Variants in NTNG1 observed in about 807,000 individuals in gnomAD.
NTNG1 encodes the protein netrin-G1.
In NTNG1, 16 loss-of-function variants were observed where a neutral mutation model predicts 54.0. The observed-to-expected ratio is 0.30, with a 90% CI of 0.20 to 0.45. The LOEUF is 0.45. NTNG1 is among the 20% of genes least tolerant of loss of function. The pLI is 1.00. For missense variants in NTNG1, 530 were observed against 678.7 expected, an observed-to-expected ratio of 0.78 and a Z score of 2.43; for synonymous variants, 255 against 263.1, an observed-to-expected ratio of 0.97 and a Z score of 0.30.
chr1:107,382,730 G>A (rs1326936016), intron 3 of NTNG1, among the ~76,000 whole-genome samples: 3 of 151,996 alleles, frequency 2.0e-5, no homozygotes, highest in African/African-American at 7.3e-5. Context: ...GATTCCTTTG[G>A]TGGGCTTGGG....
chr1:107,236,253 T>C (rs1454972139), intron 2 of NTNG1, among the ~76,000 whole-genome samples: 1 of 152,150 alleles, frequency 6.6e-6, no homozygotes, highest in Non-Finnish European at 1.5e-5. Flanking sequence ...GGGAGTGAAA[T>C]ACTTAAAGTG....
chr1:107,289,075 G>A (rs1168693088), intron 2 of NTNG1, among the ~76,000 whole-genome samples: 1 of 151,954 alleles, frequency 6.6e-6, no homozygotes, highest in Non-Finnish European at 1.5e-5. Flanking sequence ...CTTTATTCTT[G>A]TCAGTCTACT....
intron 7 of NTNG1, among the ~76,000 whole-genome samples, chr1:107,474,975 A>G (rs541292803): frequency 6.6e-6 from 1 of 152,184 alleles, no homozygotes; most frequent in African/African-American, 2.4e-5. Flanking sequence ...AAATGCAGAC[A>G]TATTTGCCAT....
intron 2 of NTNG1, among the ~76,000 whole-genome samples, chr1:107,238,964 C>T (rs985390481): frequency 6.6e-5 from 10 of 151,900 alleles, no homozygotes; most frequent in South Asian, 2.1e-4. Context: ...CAGAAAGAGG[C>T]GAAGACAAAC....
chr1:107,347,688 G>A (rs541892622), intron 3 of NTNG1, among the ~76,000 whole-genome samples: 2 of 152,192 alleles, frequency 1.3e-5, no homozygotes, highest in African/African-American at 2.4e-5. Context: ...CCGAGACTGG[G>A]TAATTTATAA....
chr1:107,246,950 C>T (rs2101602368), intron 2 of NTNG1, among the ~76,000 whole-genome samples: 1 of 138,178 alleles, frequency 7.2e-6, no homozygotes, highest in East Asian at 2.0e-4. Flanking sequence ...CCTATAAAGA[C>T]ATGTCACATT....
chr1:107,439,428 C>CATATGGAGAAGATATGTG (rs1675820859), intron 7 of NTNG1, among the ~76,000 whole-genome samples: 1 of 151,946 alleles, frequency 6.6e-6, no homozygotes, highest in African/African-American at 2.4e-5. Context: ...TCGGAATCAT[C>CATATGGAGAAGATATGTG]ATCTGGAGAA....
At chr1:107,215,907 T>G (rs1169396665) in intron 2 of NTNG1, among the ~76,000 whole-genome samples, 1 of 152,104 alleles carries the variant, frequency 6.6e-6, no homozygotes, top group Non-Finnish European at 1.5e-5. Context: ...GTCTTGCAGC[T>G]ATTGTAAAAG....
chr1:107,190,012 A>C (rs776978237), intron 2 of NTNG1, among the ~76,000 whole-genome samples: 1 of 152,176 alleles, frequency 6.6e-6, no homozygotes, highest in Non-Finnish European at 1.5e-5. Context: ...GATACATGCT[A>C]CAATATGGAT....
At chr1:107,335,990 A>G (rs1668552090) in intron 3 of NTNG1, among the ~76,000 whole-genome samples, 1 of 151,914 alleles carries the variant, frequency 6.6e-6, no homozygotes, top group African/African-American at 2.4e-5. Context: ...CAATGTTGCT[A>G]AGATGTTAAT....
At chr1:107,190,073 A>G (rs1221667253) in intron 2 of NTNG1, among the ~76,000 whole-genome samples, 1 of 152,154 alleles carries the variant, frequency 6.6e-6, no homozygotes, top group Non-Finnish European at 1.5e-5. Context: ...AATGGCAAAT[A>G]TTGTACAATT....
chr1:107,315,623 G>A (rs978634814), intron 2 of NTNG1, among the ~76,000 whole-genome samples: 9 of 152,246 alleles, frequency 5.9e-5, no homozygotes, highest in African/African-American at 2.2e-4. Flanking sequence ...CCTTTGCCAA[G>A]AATGATCTCC....
chr1:107,283,613 G>A (rs1411441829), intron 2 of NTNG1, among the ~76,000 whole-genome samples: 5 of 152,120 alleles, frequency 3.3e-5, no homozygotes, highest in Admixed American at 6.5e-5. Context: ...AAATATGTTA[G>A]CCGTATTAGG....
chr1:107,386,808 A>C (rs562500294), intron 3 of NTNG1, among the ~76,000 whole-genome samples: 1 of 152,190 alleles, frequency 6.6e-6, no homozygotes, highest in Non-Finnish European at 1.5e-5. Context: ...CTGCCAGACT[A>C]TTTTGCAAAA....
intron 7 of NTNG1, among the ~76,000 whole-genome samples, chr1:107,455,062 AT>A (rs111552271): frequency 0.043 from 6,045 of 139,286 alleles, 290 homozygotes; most frequent in African/African-American, 0.13. Flanking sequence ...CATGGTGACT[AT>A]TTTTTTTTTT....
In NTNG1 at chr1:107,480,804, C is replaced by T. The variant is rs1199057745; in HGVS notation, c.1584C>T (p.Thr528=). 3 of 1,582,834 alleles carry T rather than the reference C, an allele frequency of 1.9e-6. No individual in the cohort carries two copies. The highest frequency in any genetic ancestry group is 2.3e-5 in the East Asian group (1 of 43,488). ...PHGSPALLLL[T]TLLGTASPLV... is the part of the protein sequence containing the mutation. ...GCTCCCCAGCGCTGCTGCTGCTGAC[C>T]ACGCTGCTGGGAACCGCCAGCCCCC... The change falls in exon 8 of 8, where the codon ACC becomes ACT. Residue 528 remains threonine, a synonymous_variant. Transcript: ENST00000370068.
chr1:107,419,356 T>C (rs1212470770), intron 5 of NTNG1, among the ~76,000 whole-genome samples: 2 of 151,918 alleles, frequency 1.3e-5, no homozygotes, highest in African/African-American at 4.8e-5. Flanking sequence ...GAGCAATCTG[T>C]TCTCTTTCTG....
chr1:107,434,723 C>T (rs1339731076), intron 6 of NTNG1, among the ~76,000 whole-genome samples: 2 of 152,146 alleles, frequency 1.3e-5, no homozygotes, highest in South Asian at 2.1e-4. Flanking sequence ...ATGAAGCACC[C>T]CCTGCCAGGT....
intron 2 of NTNG1, among the ~76,000 whole-genome samples, chr1:107,276,013 T>A (rs993409767): frequency 1.3e-5 from 2 of 152,208 alleles, no homozygotes; most frequent in African/African-American, 2.4e-5. Flanking sequence ...TAAACTTAAA[T>A]GTGTTAGCCT....
Sources: allele counts gnomAD v4.1 joint callset (sites outside exome capture counted in the v4.1 genomes callset), GRCh38; gene constraint gnomAD v4.1.1; transcripts MANE v1.5; gene names NCBI Gene and HGNC (gene_info 2026-07-23, HGNC 2026-07-21).